The following WDR64 variants were observed in gnomAD, a reference collection of about 807,000 sequenced individuals.
The protein encoded by WDR64 is WD repeat-containing protein 64.
WDR64 carries 112 observed loss-of-function variants against 139.3 expected under a neutral mutation model. That is an observed-to-expected ratio of 0.80 (90% CI 0.69 to 0.94). The LOEUF (loss-of-function observed/expected upper bound fraction) is 0.94. WDR64 is among the 40% of genes least tolerant of loss of function. The pLI is 0.00. For synonymous variants in WDR64, 444 were observed against 437.7 expected (o/e 1.01, Z -0.18); for missense variants, 1,206 against 1,293.1 (o/e 0.93, Z 1.03).
At chr1:241,674,575 A>G in intron 3 of WDR64, 69 bp from the exon 4 acceptor site, 1 of 1,047,310 alleles carries the variant, frequency 9.5e-7, no homozygotes, top group Non-Finnish European at 1.4e-6. Flanking sequence ...TTTTAAAAAA[A>G]CAAATCTAAC....
At chr1:241,761,499 A>G (rs1657896233) in intron 15 of WDR64, among the ~76,000 whole-genome samples, 1 of 151,630 alleles carries the variant, frequency 6.6e-6, no homozygotes, top group Admixed American at 6.6e-5. Flanking sequence ...TTTTCTATCT[A>G]TGTTGTTGTT....
In WDR64 at chr1:241,792,274, C is replaced by T. The variant is rs528063799; in HGVS notation, c.2997+1578C>T. 9.2e-5 allele frequency among the ~76,000 whole-genome samples: 14 copies of T among 152,284 alleles called. No homozygotes were observed. In the South Asian group the frequency reaches 1.5e-3, roughly 16 times the overall value. On this transcript the variant is annotated intron_variant, in intron 25 of 27. Transcript: ENST00000437684. ...TACAGGGGCCGGGTGCGGTGGCTCACGCCTGTAATCCCAGCATTGTGGGAG... is the reference window on the plus strand; with the variant it reads ...TACAGGGGCCGGGTGCGGTGGCTCATGCCTGTAATCCCAGCATTGTGGGAG...
intron 21 of WDR64, among the ~76,000 whole-genome samples, chr1:241,775,435 C>G (rs1057333367): frequency 6.6e-6 from 1 of 152,112 alleles, no homozygotes; most frequent in African/African-American, 2.4e-5. Flanking sequence ...AAGGCATTGC[C>G]CTCCTTCTGT....
intron 10 of WDR64, among the ~76,000 whole-genome samples, chr1:241,728,943 C>T (rs559828819): frequency 1.4e-4 from 21 of 151,966 alleles, no homozygotes; most frequent in African/African-American, 5.1e-4. Context: ...TATGTAGAAA[C>T]CTGAGAAAAG....
At chr1:241,657,551 T>C (rs183739515) in intron 1 of WDR64, among the ~76,000 whole-genome samples, 112 of 152,284 alleles carry the variant, frequency 7.4e-4, no homozygotes, top group African/African-American at 2.4e-3. Flanking sequence ...GCCTTCGTGT[T>C]GATCAGCCTC....
At chr1:241,655,635 C>T (rs575748498) in intron 1 of WDR64, among the ~76,000 whole-genome samples, 1 of 152,240 alleles carries the variant, frequency 6.6e-6, no homozygotes, top group East Asian at 1.9e-4. Context: ...CTTGGCATTT[C>T]CAAACATGCT....
chr1:241,706,076 A>G (rs954472817), intron 8 of WDR64, among the ~76,000 whole-genome samples: 2 of 152,236 alleles, frequency 1.3e-5, no homozygotes, highest in African/African-American at 4.8e-5. Flanking sequence ...CATGGGCCCT[A>G]AAAATTCTAA....
chr1:241,731,269 G>A (rs1296556714), intron 10 of WDR64, among the ~76,000 whole-genome samples: 1 of 152,036 alleles, frequency 6.6e-6, no homozygotes, highest in East Asian at 1.9e-4. Context: ...AGCTATGCAG[G>A]AGGCTGAAGC....
At position 241,679,552 on chromosome 1, in the gene WDR64, G is replaced by T. The variant is rs756639803; in HGVS notation, c.581G>T (p.Arg194Met). Residue 194 changes from arginine (R) to methionine (M), a missense_variant, in exon 6 of 28, where the codon AGG becomes ATG. By Grantham distance (91) the Arg-to-Met change is moderately conservative. Transcript: ENST00000437684. ...AAACGAATCGTAGCCACAACCGAAA[G>T]GACCATTATTGTCTGGGATTATAAA... is the stretch of plus-strand genomic sequence containing the variant. ...QLKRIVATTE[R>M]TIIVWDYKAQ... 2 of 1,551,764 alleles carry T rather than the reference G, an allele frequency of 1.3e-6. No homozygotes were observed. The highest frequency in any genetic ancestry group is 1.2e-5 in the South Asian group (1 of 84,066).
intron 22 of WDR64, among the ~76,000 whole-genome samples, chr1:241,781,758 G>C (rs1425309440): frequency 6.7e-6 from 1 of 148,422 alleles, no homozygotes; most frequent in Non-Finnish European, 1.5e-5. Flanking sequence ...AAAAATAGAA[G>C]AGAATGGAAT....
chr1:241,764,497 T>A (rs1386354250), intron 15 of WDR64, among the ~76,000 whole-genome samples: 9 of 136,328 alleles, frequency 6.6e-5, no homozygotes, highest in Admixed American at 4.5e-4. Context: ...AAAAAATTTT[T>A]AAAAATTTAA....
rs1047323525 is a variant in WDR64, at chr1:241,656,838, C to T, written c.146-3692C>T. On this transcript the variant is annotated intron_variant, in intron 1 of 27. Coordinates refer to ENST00000437684, the MANE Select transcript of WDR64 (RefSeq NM_001367482.1). This position sits in a 1 kb window ranked among gnomAD's most constrained non-coding sequence, Gnocchi z 4.3. ...GTAGCACACCTACTCCTAGTTGTGA[C>T]AGTCAAAAATGTCTCAAGTCTTTGC... Among the ~76,000 whole-genome samples, 12 of 150,666 alleles carry T rather than the reference C, an allele frequency of 8.0e-5. No individual in the cohort carries two copies. The highest frequency in any genetic ancestry group is 8.8e-5 in the Non-Finnish European group (6 of 67,862).
At chr1:241,759,245 G>T (rs1014674563) in intron 15 of WDR64, among the ~76,000 whole-genome samples, 3 of 152,022 alleles carry the variant, frequency 2.0e-5, no homozygotes, top group African/African-American at 7.2e-5. Context: ...TGTCCTTAGG[G>T]TATATAGCAT....
At position 241,744,699 on chromosome 1, in the gene WDR64, T is replaced by C. The variant is rs192615658; in HGVS notation, c.1594+183T>C. Among the ~76,000 whole-genome samples, 128 of 152,318 alleles carry C rather than the reference T, an allele frequency of 8.4e-4. 3 individuals are homozygous for C. Among genetic ancestry groups the C allele is most frequent in the Admixed American group, 6.2e-3 (95 of 15,306 alleles). ...GTCCCTTATCTAACAGGCATCAATG[T>C]CTTGATATGATGTTAAAAATAATTC... is the stretch of plus-strand genomic sequence containing the variant. On this transcript the variant is annotated intron_variant, in intron 13 of 27. Coordinates refer to ENST00000437684, the MANE Select transcript of WDR64 (RefSeq NM_001367482.1).
intron 1 of WDR64, among the ~76,000 whole-genome samples, chr1:241,654,792 A>G (rs141908034): frequency 2.6e-5 from 4 of 152,352 alleles, no homozygotes; most frequent in South Asian, 2.1e-4. Context: ...TGATGATTCA[A>G]TGCATACAAA....
At chr1:241,754,801 A>G (rs568070607) in intron 14 of WDR64, among the ~76,000 whole-genome samples, 129 of 148,004 alleles carry the variant, frequency 8.7e-4, no homozygotes, top group African/African-American at 3.1e-3. Flanking sequence ...ACTCCCACTT[A>G]TGAGTGGGAA....
chr1:241,699,763 T>C lies in WDR64; in HGVS notation c.975-12039T>C, dbSNP rs184869982. On this transcript the variant is annotated intron_variant, in intron 8 of 27. Transcript: ENST00000437684. ...AAGAGAAGATGGTGAGTTCTCAAAA[T>C]TGCAAATGGTTCAATATAATTGGAG... is the stretch of plus-strand genomic sequence containing the variant. Among the ~76,000 whole-genome samples, 364 of 152,130 alleles carry C rather than the reference T, an allele frequency of 2.4e-3. 2 individuals are homozygous for C. The highest frequency in any genetic ancestry group is 0.014 in the South Asian group (68 of 4,818).
At chr1:241,736,625 CAGA>C (rs1422892597) in intron 10 of WDR64, among the ~76,000 whole-genome samples, 1 of 152,084 alleles carries the variant, frequency 6.6e-6, no homozygotes, top group African/African-American at 2.4e-5. Context: ...CAGTATGACG[CAGA>C]AGGTTTTTGT....
At chr1:241,719,410 G>T (rs1166333189) in intron 9 of WDR64, among the ~76,000 whole-genome samples, 1 of 152,144 alleles carries the variant, frequency 6.6e-6, no homozygotes, top group Admixed American at 6.6e-5. Context: ...GGATGAAGGA[G>T]GCACATAGGT....
Sources: allele counts gnomAD v4.1 joint callset (sites outside exome capture counted in the v4.1 genomes callset), GRCh38; gene constraint gnomAD v4.1.1; non-coding constraint Gnocchi (gnomAD v3.1); transcripts MANE v1.5; gene names NCBI Gene and HGNC (gene_info 2026-07-23, HGNC 2026-07-21).